NDST1: variants seen among roughly 807,000 people sequenced by gnomAD.
NDST1 encodes the protein bifunctional heparan sulfate N-deacetylase/N-sulfotransferase 1.
In NDST1, 35 loss-of-function variants were observed where a neutral mutation model predicts 92.8. The observed-to-expected ratio is 0.38, with a 90% CI of 0.29 to 0.50. NDST1 has a LOEUF of 0.50. NDST1 is among the 20% of genes least tolerant of loss of function. NDST1 has a pLI of 0.94. For synonymous variants in NDST1, 493 were observed against 500.3 expected, an observed-to-expected ratio of 0.99 and a Z score of 0.19; for missense variants, 822 against 1,182.7, an observed-to-expected ratio of 0.69 and a Z score of 4.47.
rs887501929 is a variant in NDST1 at position 150,521,576 on chromosome 5, C to T, written c.322C>T (p.Arg108Cys). 5.0e-6 allele frequency: 8 copies of T among 1,614,034 alleles called. No homozygotes were observed. The highest frequency in any genetic ancestry group is 2.2e-5 in the South Asian group (2 of 91,082). ...GGTGGTGGCCATCCTGGAGTCCAGC[C>T]GCTTCAAATACCGCACAGAGATTGC... is the stretch of plus-strand genomic sequence containing the variant. Reference protein sequence around the residue: ...QEVVAILESSRFKYRTEIAPG... With the variant: ...QEVVAILESSCFKYRTEIAPG... Residue 108 changes from arginine to cysteine, a missense_variant, in exon 2 of 15, where the codon CGC becomes TGC. Physicochemically the swap from Arg to Cys is radical, Grantham distance 180. Coordinates refer to ENST00000261797, the MANE Select transcript of NDST1 (RefSeq NM_001543.5). This position sits in a 1 kb window ranked among gnomAD's most constrained non-coding sequence, Gnocchi z 5.9.
chr5:150,500,482 A>C (rs1753182496), intron 1 of NDST1, among the ~76,000 whole-genome samples: 1 of 152,234 alleles, frequency 6.6e-6, no homozygotes, highest in African/African-American at 2.4e-5. Flanking sequence ...AATGTGAGCT[A>C]TCCTTGGAGA....
intron 4 of NDST1, among the ~76,000 whole-genome samples, chr5:150,534,413 A>G (rs1369833911): frequency 6.6e-6 from 1 of 152,150 alleles, no homozygotes; most frequent in Non-Finnish European, 1.5e-5. Context: ...TGTTTTTTAT[A>G]TTCATAACCC....
At chr5:150,534,819 G>A (rs763138768) in intron 4 of NDST1, 48 bp from the exon 5 acceptor site, 1 of 1,613,454 alleles carries the variant, frequency 6.2e-7, no homozygotes, top group East Asian at 2.2e-5. Context: ...CCAGGTTAGA[G>A]GGCCTCATGG....
chr5:150,500,607 G>C (rs141238029), intron 1 of NDST1, among the ~76,000 whole-genome samples: 2 of 152,220 alleles, frequency 1.3e-5, no homozygotes, highest in Admixed American at 1.3e-4. Flanking sequence ...TTAGGGAACA[G>C]GTCAGGAGAG....
upstream of NDST1, among the ~76,000 whole-genome samples, chr5:150,507,861 G>T (rs76983850): frequency 6.6e-6 from 1 of 152,208 alleles, no homozygotes; most frequent in African/African-American, 2.4e-5. Context: ...TTCCTTTCCC[G>T]TGGAAGGCTC....
rs77371898 is a variant in NDST1, at chr5:150,554,280, T to G, written c.*948T>G. On this transcript the variant is annotated 3_prime_UTR_variant, in exon 15 of 15. Coordinates refer to ENST00000261797, the MANE Select transcript of NDST1 (RefSeq NM_001543.5). ...GAAGCTAAAATATTTTAATATTTTG[T>G]TTTTTTTTTTCTTGGTGCCAGAGTT... 7.0e-6 allele frequency: 2 copies of G among 284,584 alleles called. No individual in the cohort carries two copies. The highest frequency in any genetic ancestry group is 2.3e-5 in the African/African-American group (1 of 43,814). The allele number at this position is 284,584 out of a possible 1,614,324, so 17.6% of individuals were successfully genotyped here. A position where few individuals can be genotyped will look rare whatever the true frequency, so the allele number is the denominator to read the frequency against.
In NDST1 at chr5:150,549,774, C is replaced by T. The variant is rs753586471; in HGVS notation, c.2413C>T (p.His805Tyr). ...TGGGGTGACCAACACCATTGACTACCACAAAACCTTGGCGTGAGTGTTGCC... is the reference window on the plus strand; with the variant it reads ...TGGGGTGACCAACACCATTGACTACTACAAAACCTTGGCGTGAGTGTTGCC... The part of the protein sequence containing the change: ...FLGVTNTIDY[H>Y]KTLAFDPKKG... Residue 805 changes from histidine to tyrosine, a missense_variant, in exon 13 of 15, where the codon CAC becomes TAC. His to Tyr is a moderately conservative substitution (Grantham distance 83). Coordinates refer to ENST00000261797, the MANE Select transcript of NDST1 (RefSeq NM_001543.5). 10 of 1,609,148 alleles carry T rather than the reference C, an allele frequency of 6.2e-6. No individual in the cohort carries two copies. In the South Asian group the frequency reaches 1.1e-4, roughly 18 times the overall value.
rs763092219 is a variant in NDST1 at position 150,541,542 on chromosome 5, C to T, written c.1750-28C>T. ...TCCACTGACTGGGTTCTGGGGCGCC[C>T]CACACATCCCTTCCACTGTTGTTTT... is the stretch of plus-strand genomic sequence containing the variant. On this transcript the variant is annotated intron_variant, in intron 8 of 14. Transcript: ENST00000261797. The T allele has an allele frequency of 3.7e-6, 6 of 1,610,066 alleles. No individual in the cohort carries two copies. In the East Asian group the frequency reaches 8.9e-5, roughly 24 times the overall value.
chr5:150,552,462 C>G (rs1258889449), intron 14 of NDST1: 1 of 162,248 alleles, frequency 6.2e-6, no homozygotes, highest in African/African-American at 2.4e-5. Context: ...CCTCCTTTTC[C>G]TACTTGCTTC....
At position 150,541,682 on chromosome 5, in the gene NDST1, C is replaced by G; in HGVS notation, c.1846+16C>G. On this transcript the variant is annotated intron_variant, in intron 9 of 14. Coordinates refer to ENST00000261797, the MANE Select transcript of NDST1 (RefSeq NM_001543.5). ...CAGAAAACAGGCAGGTCTCTCTGCT[C>G]TTGACCGAGCTTCCCCAACTGCCTG... 1 of 1,611,528 alleles carries G rather than the reference C, an allele frequency of 6.2e-7. No homozygotes were observed. Among genetic ancestry groups the G allele is most frequent in the South Asian group, 1.1e-5 (1 of 91,004 alleles).
rs569236874 is a variant in NDST1 at position 150,553,686 on chromosome 5, G to A, written c.*354G>A. The A allele has an allele frequency of 7.3e-6, 3 of 411,496 alleles. No individual in the cohort carries two copies. Among genetic ancestry groups the A allele is most frequent in the East Asian group, 5.4e-5 (1 of 18,626 alleles). The allele number at this position is 411,496 out of a possible 1,614,324, so 25.5% of individuals were successfully genotyped here. A position where few individuals can be genotyped will look rare whatever the true frequency, so the allele number is the denominator to read the frequency against. On this transcript the variant is annotated 3_prime_UTR_variant, in exon 15 of 15. Transcript: ENST00000261797. This position sits in a 1 kb window ranked among gnomAD's most constrained non-coding sequence, Gnocchi z 4.2. ...TCGTCACCCATCACTCCCTGCTTCC[G>A]CAGGGCGCCCCTCAGTATTCGCTGC... is the stretch of plus-strand genomic sequence containing the variant.
rs17111227 is a variant in NDST1 at position 150,548,845 on chromosome 5, A to G, written c.2316+457A>G. ...TGCACCTGGCCTAAAAAGACTGTAGACCTGTTTATCCCAAGGTTGATACAT... is the reference window on the plus strand; with the variant it reads ...TGCACCTGGCCTAAAAAGACTGTAGGCCTGTTTATCCCAAGGTTGATACAT... On this transcript the variant is annotated intron_variant, in intron 12 of 14. Coordinates refer to ENST00000261797, the MANE Select transcript of NDST1 (RefSeq NM_001543.5). Among the ~76,000 whole-genome samples, 764 of 152,128 alleles carry G rather than the reference A, an allele frequency of 5.0e-3. 5 individuals are homozygous for G. Among genetic ancestry groups the G allele is most frequent in the African/African-American group, 0.017 (725 of 41,510 alleles).
Position 150,528,217 on chromosome 5 carries a change from A to T in NDST1, c.927A>T (p.Pro309=). 1 of 1,614,082 alleles carries T rather than the reference A, an allele frequency of 6.2e-7. No homozygotes were observed. The highest frequency in any genetic ancestry group is 1.3e-5 in the African/African-American group (1 of 75,064). Residue 309 remains proline, a synonymous_variant, in exon 3 of 15, where the codon CCA becomes CCT. Transcript: ENST00000261797. ...AFLTGKRLSL[P]LDRYILVDID... is the part of the protein sequence containing the mutation. ...TCACGGGGAAGCGCCTCTCCCTGCC[A>T]TTGGACCGCTACATCCTGGTGGACA...
In NDST1 at chr5:150,528,122, C is replaced by A; in HGVS notation, c.832C>A (p.Arg278Ser). Reference sequence around the variant, plus strand: ...CCTGGGCCTGCACGACGGCATCCAGCGCGTGCTGTTTGGCAACAACCTGAA... The same window carrying A: ...CCTGGGCCTGCACGACGGCATCCAGAGCGTGCTGTTTGGCAACAACCTGAA... ...QDLGLHDGIQ[R>S]VLFGNNLNFW... is the part of the protein sequence containing the mutation. The change falls in exon 3 of 15, where the codon CGC becomes AGC. Residue 278 changes from arginine (R) to serine (S), a missense_variant. Arg to Ser is a moderately radical substitution (Grantham distance 110). Coordinates refer to ENST00000261797, the MANE Select transcript of NDST1 (RefSeq NM_001543.5). 1 of 1,614,174 alleles carries A rather than the reference C, an allele frequency of 6.2e-7. No individual in the cohort carries two copies. The highest frequency in any genetic ancestry group is 8.5e-7 in the Non-Finnish European group (1 of 1,179,998).
At chr5:150,549,107 G>A (rs1303346459) in intron 12 of NDST1, among the ~76,000 whole-genome samples, 1 of 152,210 alleles carries the variant, frequency 6.6e-6, no homozygotes, top group Non-Finnish European at 1.5e-5. Flanking sequence ...TGCCTCCCGG[G>A]TTCAAGCGTT....
At chr5:150,532,480 G>A (rs1754786593) in intron 3 of NDST1, among the ~76,000 whole-genome samples, 1 of 152,146 alleles carries the variant, frequency 6.6e-6, no homozygotes, top group Admixed American at 6.5e-5. Context: ...CGCTCAGAGG[G>A]AGCCCATTAT....
intron 1 of NDST1, among the ~76,000 whole-genome samples, chr5:150,499,683 T>A (rs554545583): frequency 9.3e-4 from 142 of 152,278 alleles, no homozygotes; most frequent in African/African-American, 2.6e-3. Flanking sequence ...TCTGTGACCC[T>A]CGAATCCTCC....
At chr5:150,507,139 A>G (rs2151245413), upstream of NDST1, among the ~76,000 whole-genome samples, 1 of 152,308 alleles carries the variant, frequency 6.6e-6, no homozygotes, top group South Asian at 2.1e-4. Context: ...CAAAGCTGCT[A>G]ATCCCTGGAA....
chr5:150,544,992 G>A (rs1295948261), intron 10 of NDST1, among the ~76,000 whole-genome samples: 1 of 152,180 alleles, frequency 6.6e-6, no homozygotes, highest in African/African-American at 2.4e-5. Context: ...GAGCAGCTGA[G>A]GGGGCGGGAT....
Sources: allele counts gnomAD v4.1 joint callset (sites outside exome capture counted in the v4.1 genomes callset), GRCh38; gene constraint gnomAD v4.1.1; non-coding constraint Gnocchi (gnomAD v3.1); transcripts MANE v1.5; gene names NCBI Gene and HGNC (gene_info 2026-07-23, HGNC 2026-07-21).